Variants in VPS35 observed in about 807,000 individuals in gnomAD.
VPS35 encodes the protein VPS35 retromer complex component, also known as vacuolar protein sorting-associated protein 35.
In VPS35, 21 loss-of-function variants were observed where a neutral mutation model predicts 98.1. The ratio of observed to expected loss-of-function variants is 0.21; its 90% CI spans 0.15 to 0.31. The LOEUF (loss-of-function observed/expected upper bound fraction) is 0.31. Ranked by LOEUF, VPS35 falls within the 10% of genes least tolerant of loss-of-function variation. The pLI, the probability that VPS35 is intolerant of heterozygous loss-of-function variation, is 1.00. For synonymous variants in VPS35, 268 were observed against 318.2 expected (o/e 0.84, Z 1.68); for missense variants, 554 against 950.8 (o/e 0.58, Z 5.49).
chr16:46,657,375 A>T lies in VPS35; in HGVS notation c.*3097T>A, dbSNP rs1965851797. The T allele has an allele frequency of 6.6e-6, 1 of 152,144 alleles. No individual in the cohort carries two copies. The allele number at this position is 152,144 out of a possible 1,614,324, so 9.4% of individuals were successfully genotyped here. On this transcript the variant is annotated 3_prime_UTR_variant, in exon 17 of 17. Transcript: ENST00000299138. ...CTTTCTGCTTGAGCTTATTACCTTG[A>T]GGTCTCTGAATGAGAGAGCAAATGT... is the stretch of plus-strand genomic sequence containing the variant.
chr16:46,675,910 C>G (rs141462266), intron 8 of VPS35, among the ~76,000 whole-genome samples: 5 of 151,868 alleles, frequency 3.3e-5, no homozygotes, highest in Admixed American at 2.0e-4. Context: ...ACTAAAAATA[C>G]AAAAATTAGC....
chr16:46,664,329 G>T (rs1965957301), intron 13 of VPS35, among the ~76,000 whole-genome samples: 1 of 151,120 alleles, frequency 6.6e-6, no homozygotes, highest in Non-Finnish European at 1.5e-5. Flanking sequence ...GCTATTTTTT[G>T]TATTTTTAGT....
rs1197617035 is a variant in VPS35 at position 46,658,963 on chromosome 16, C to T, written c.*1509G>A. On this transcript the variant is annotated 3_prime_UTR_variant, in exon 17 of 17. Transcript: ENST00000299138. ...GAATATAGGCTAGACTTAGTGACTC[C>T]CCACTTACAGAATAAGGCAAAAATG... 6.6e-6 allele frequency: 1 copy of T among 152,162 alleles called. No homozygotes were observed. The highest frequency in any genetic ancestry group is 2.4e-5 in the African/African-American group (1 of 41,458). The allele number at this position is 152,162 out of a possible 1,614,324, so 9.4% of individuals were successfully genotyped here. A position where few individuals can be genotyped will look rare whatever the true frequency, so the allele number is the denominator to read the frequency against.
intron 1 of VPS35, among the ~76,000 whole-genome samples, chr16:46,684,261 C>T (rs183529090): frequency 2.0e-5 from 3 of 152,246 alleles, no homozygotes; most frequent in East Asian, 1.9e-4. Flanking sequence ...TAGGTATAGC[C>T]GAAACCAATC....
chr16:46,680,238 A>C (rs1330504772), intron 5 of VPS35, among the ~76,000 whole-genome samples: 2 of 152,222 alleles, frequency 1.3e-5, no homozygotes, highest in African/African-American at 4.8e-5. Flanking sequence ...CGTAACAGAT[A>C]ATTCAAATCA....
In VPS35 at chr16:46,672,362, A is replaced by G. The variant is rs1211488730; in HGVS notation, c.1271T>C (p.Leu424Pro). The G allele has an allele frequency of 6.2e-7, 1 of 1,613,708 alleles. No individual in the cohort carries two copies. Among genetic ancestry groups the G allele is most frequent in the Non-Finnish European group, 8.5e-7 (1 of 1,179,860 alleles). ...TVLKLKHFHP[L>P]FEYFDYESRK... ...GGACTCGTAGTCAAAGTACTCAAAG[A>G]GTGGGTGAAAATGTTTTAATTTCAA... The change falls in exon 11 of 17, where the codon CTC becomes CCC. Residue 424 changes from leucine (L) to proline (P), a missense_variant. By Grantham distance (98) the Leu-to-Pro change is moderately conservative (BLOSUM62 -3). Transcript: ENST00000299138.
At chr16:46,686,666 G>C (rs1966321229) in intron 1 of VPS35, among the ~76,000 whole-genome samples, 1 of 152,190 alleles carries the variant, frequency 6.6e-6, no homozygotes, top group Admixed American at 6.5e-5. Context: ...ACTATGAAGT[G>C]TCACATAGAG....
chr16:46,662,497 G>A lies in VPS35; in HGVS notation c.1828-15C>T, dbSNP rs781241576. 5.0e-6 allele frequency: 8 copies of A among 1,612,926 alleles called. No homozygotes were observed. The South Asian group carries it at 5.5e-5, about 11-fold the overall frequency. ...AGAGAAAATGCCTAGTGAACATAAA[G>A]CAGAAAGGACTTTCAAGGACCAACC... On this transcript the variant is annotated splice_polypyrimidine_tract_variant and intron_variant, in intron 14 of 16. Coordinates refer to ENST00000299138, the MANE Select transcript of VPS35 (RefSeq NM_018206.6).
In VPS35 at chr16:46,680,516, C is replaced by T. The variant is rs143135439; in HGVS notation, c.506+155G>A. Among the ~76,000 whole-genome samples, 1,200 of 152,262 alleles carry T rather than the reference C, an allele frequency of 7.9e-3. 17 individuals are homozygous for T. The highest frequency in any genetic ancestry group is 0.027 in the African/African-American group (1,139 of 41,560). On this transcript the variant is annotated intron_variant, in intron 5 of 16. Coordinates refer to ENST00000299138, the MANE Select transcript of VPS35 (RefSeq NM_018206.6). ...ATGATACCACATATACTGAGGAGTTCTATATTACAAAGGAAATCTATATAC... is the reference window on the plus strand; with the variant it reads ...ATGATACCACATATACTGAGGAGTTTTATATTACAAAGGAAATCTATATAC...
chr16:46,677,207 T>G (rs1334182975), intron 7 of VPS35, 108 bp downstream of exon 7: 6 of 1,042,470 alleles, frequency 5.8e-6, no homozygotes, highest in Admixed American at 2.0e-5. Context: ...GGAAAACTCT[T>G]TATTCAGGAA....
chr16:46,678,347 A>T (rs1183638466), intron 6 of VPS35, among the ~76,000 whole-genome samples: 1 of 149,158 alleles, frequency 6.7e-6, no homozygotes, highest in African/African-American at 2.5e-5. Context: ...AAAAAATCTC[A>T]TGTTTTAAAG....
chr16:46,687,618 G>A (rs574445524), intron 1 of VPS35, among the ~76,000 whole-genome samples: 1 of 152,168 alleles, frequency 6.6e-6, no homozygotes, highest in African/African-American at 2.4e-5. Context: ...TTCTACAAGC[G>A]TGTCTCCCCC....
At chr16:46,666,424 A>G (rs1182438109) in intron 13 of VPS35, among the ~76,000 whole-genome samples, 1 of 151,640 alleles carries the variant, frequency 6.6e-6, no homozygotes, top group African/African-American at 2.4e-5. Flanking sequence ...ATGCGCCACC[A>G]CGCCCAGCTA....
At chr16:46,660,829 A>AAC in intron 16 of VPS35, 178 bp from the exon 17 acceptor site, 1 of 685,464 alleles carries the variant, frequency 1.5e-6, no homozygotes, top group Non-Finnish European at 2.6e-6. Context: ...TCAAAAAAAA[A>AAC]AAAAAAAAAA....
rs763697798 is a variant in VPS35, at chr16:46,679,015, C to T, written c.648G>A (p.Leu216=). Residue 216 remains leucine, a synonymous_variant, in exon 6 of 17, where the codon CTG becomes CTA. Coordinates refer to ENST00000299138, the MANE Select transcript of VPS35 (RefSeq NM_018206.6). ...CCAAATTTGTTCCCACTAAAATTCTCAGTTCTTGTCTTTCTCGTTCTCTTT... is the reference window on the plus strand; with the variant it reads ...CCAAATTTGTTCCCACTAAAATTCTTAGTTCTTGTCTTTCTCGTTCTCTTT... ...REKRERERQE[L]RILVGTNLVR... is the part of the protein sequence containing the mutation. 2.0e-5 allele frequency: 33 copies of T among 1,614,052 alleles called. No individual in the cohort carries two copies. The highest frequency in any genetic ancestry group is 2.8e-5 in the Non-Finnish European group (33 of 1,180,034).
At position 46,674,422 on chromosome 16, in the gene VPS35, T is replaced by G. The variant is rs1314817342; in HGVS notation, c.1052A>C (p.Gln351Pro). The G allele has an allele frequency of 6.2e-7, 1 of 1,613,694 alleles. No individual in the cohort carries two copies. The highest frequency in any genetic ancestry group is 2.2e-5 in the East Asian group (1 of 44,854). Residue 351 changes from glutamine to proline, a missense_variant, in exon 10 of 17, where the codon CAA becomes CCA. By Grantham distance (76) the Gln-to-Pro change is moderately conservative. Coordinates refer to ENST00000299138, the MANE Select transcript of VPS35 (RefSeq NM_018206.6). Reference protein sequence around the residue: ...DMPSEDVVSLQVSLINLAMKC... With the variant: ...DMPSEDVVSLPVSLINLAMKC... ...CATGGCAAGATTAATCAGAGAGACT[T>G]GTAAAGATACAACATCCTCTGAAGG... is the stretch of plus-strand genomic sequence containing the variant.
chr16:46,681,232 CAAGT>C (rs773755869), intron 4 of VPS35, 141 bp downstream of exon 4: 73 of 1,177,486 alleles, frequency 6.2e-5, no homozygotes, highest in Non-Finnish European at 7.6e-5. Flanking sequence ...TACTCTAAAA[CAAGT>C]AAGAGAATAT....
intron 11 of VPS35, 123 bp downstream of exon 11, chr16:46,672,142 A>G (rs1966078681): frequency 1.1e-6 from 1 of 879,280 alleles, no homozygotes; most frequent in Non-Finnish European, 1.8e-6. Flanking sequence ...TTATATAATG[A>G]AAAAGTTACT....
At chr16:46,669,684 A>T (rs202077265) in intron 12 of VPS35, among the ~76,000 whole-genome samples, 2 of 151,718 alleles carry the variant, frequency 1.3e-5, no homozygotes, top group African/African-American at 4.8e-5. Context: ...AAAAAAAAGA[A>T]AAAAGAAAAG....
Sources: gnomAD v4.1 joint callset for allele counts (sites outside exome capture counted in the v4.1 genomes callset) on GRCh38, gnomAD v4.1.1 for gene constraint, MANE v1.5 for transcripts, NCBI Gene and HGNC (gene_info 2026-07-23, HGNC 2026-07-21) for gene names.